Variants in B4GALNT3 observed in about 807,000 individuals in gnomAD.
B4GALNT3 encodes beta-1,4-N-acetylgalactosaminyltransferase 3.
A neutral mutation model predicts 120.2 loss-of-function variants in B4GALNT3; 86 were observed. That is an observed-to-expected ratio of 0.72 (90% CI 0.60 to 0.86). B4GALNT3 has a LOEUF of 0.86. Among genes scored for constraint, B4GALNT3 ranks in the 40% least tolerant of loss-of-function variants. The probability of loss-of-function intolerance (pLI) is 0.00; values close to 1 mark genes in which losing one functional copy is unlikely to be tolerated. For missense variants in B4GALNT3, 1,167 were observed against 1,298.9 expected (o/e 0.90, Z 1.56); for synonymous variants, 518 against 510.4 (o/e 1.01, Z -0.20).
intron 1 of B4GALNT3, among the ~76,000 whole-genome samples, chr12:499,313 G>A (rs1203368344): frequency 6.6e-6 from 1 of 152,280 alleles, no homozygotes; most frequent in Non-Finnish European, 1.5e-5. Flanking sequence ...TGTGAGGTAT[G>A]AGGACTGTGG....
In B4GALNT3 at chr12:553,265, C is replaced by T. The variant is rs756791907; in HGVS notation, c.1342C>T (p.Gln448Ter). 2 of 1,613,582 alleles carry T rather than the reference C, an allele frequency of 1.2e-6. No homozygotes were observed. Among genetic ancestry groups the T allele is most frequent in the East Asian group, 2.2e-5 (1 of 44,872 alleles). Residue 448 changes from glutamine to a stop codon, truncating the protein, a stop_gained, in exon 14 of 20, where the codon CAG becomes TAG. Transcript: ENST00000266383. LOFTEE classifies it high-confidence loss of function. ...VAEETPASNNQNARMLEGRQT... is the reference protein window; with the variant it reads ...VAEETPASNN ...AGAGGAGACCCCTGCCTCCAACAAC[C>T]AGAATGCCAGGATGCTTGAGGGAAG... is the stretch of plus-strand genomic sequence containing the variant.
intron 1 of B4GALNT3, among the ~76,000 whole-genome samples, chr12:485,926 C>T (rs560194311): frequency 6.6e-6 from 1 of 152,240 alleles, no homozygotes; most frequent in African/African-American, 2.4e-5. Flanking sequence ...TAGGCAGATG[C>T]AGAGAATCAC....
At chr12:497,713 C>G in intron 1 of B4GALNT3, among the ~76,000 whole-genome samples, 1 of 152,144 alleles carries the variant, frequency 6.6e-6, no homozygotes, top group Non-Finnish European at 1.5e-5. Context: ...GAGCACCGAG[C>G]CAGGTGGTCA....
chr12:492,412 A>G (rs1393222545), intron 1 of B4GALNT3, among the ~76,000 whole-genome samples: 1 of 152,234 alleles, frequency 6.6e-6, no homozygotes, highest in Non-Finnish European at 1.5e-5. Context: ...GTCTAACAAA[A>G]TATTTGCAAG....
chr12:544,967 C>T lies in B4GALNT3; in HGVS notation c.533C>T (p.Thr178Ile), dbSNP rs1306051806. The change falls in exon 5 of 20, where the codon ACT becomes ATT. Residue 178 changes from threonine to isoleucine, a missense_variant. Physicochemically the swap from Thr to Ile is moderately conservative, Grantham distance 89. Coordinates refer to ENST00000266383, the MANE Select transcript of B4GALNT3 (RefSeq NM_173593.4). ...LRIFGYLHPF[T>I]DGKIQFAIAA... ...ATCTTTGGCTACCTGCACCCCTTTA[C>T]TGATGGTGAGGCCAGCCCCAAAACC... The T allele has an allele frequency of 6.2e-7, 1 of 1,613,908 alleles. No homozygotes were observed. The highest frequency in any genetic ancestry group is 8.5e-7 in the Non-Finnish European group (1 of 1,179,902).
intron 1 of B4GALNT3, among the ~76,000 whole-genome samples, chr12:485,142 G>T (rs1418840764): frequency 2.6e-5 from 4 of 152,160 alleles, no homozygotes; most frequent in Non-Finnish European, 4.4e-5. Context: ...GAACTGGGGT[G>T]TATGATGCAG....
chr12:484,928 G>T (rs1349906995), intron 1 of B4GALNT3, among the ~76,000 whole-genome samples: 1 of 152,150 alleles, frequency 6.6e-6, no homozygotes, highest in East Asian at 1.9e-4. Context: ...CCATCCTGTG[G>T]TGTATGTGGG....
intron 1 of B4GALNT3, among the ~76,000 whole-genome samples, chr12:512,909 T>TTTCCACCTTCTGCCTTCCACC (rs1946608012): frequency 3.0e-5 from 2 of 66,994 alleles, no homozygotes; most frequent in African/African-American, 1.2e-4. Flanking sequence ...CGCCTTCCGC[T>TTTCCACCTTCTGCCTTCCACC]TTCCACCTTC....
chr12:544,817 A>C, intron 4 of B4GALNT3, 65 bp from the exon 5 acceptor site: 2 of 1,522,740 alleles, frequency 1.3e-6, no homozygotes, highest in African/African-American at 1.4e-5. Context: ...CTTCCCGCCA[A>C]TCCTGGCGGG....
chr12:559,857 G>A (rs1476079434), intron 19 of B4GALNT3, among the ~76,000 whole-genome samples: 1 of 152,210 alleles, frequency 6.6e-6, no homozygotes, highest in Non-Finnish European at 1.5e-5. Flanking sequence ...AAGACTTTGG[G>A]GCCAGCAGAA....
intron 1 of B4GALNT3, among the ~76,000 whole-genome samples, chr12:468,842 G>A (rs539760872): frequency 1.3e-5 from 2 of 152,176 alleles, no homozygotes; most frequent in African/African-American, 2.4e-5. Flanking sequence ...GAGGCTATGT[G>A]TGTGTCTCAC....
At position 460,103 on chromosome 12, in the gene B4GALNT3, G is replaced by T. The variant is rs1455979754; in HGVS notation, c.-274G>T. Among the ~76,000 whole-genome samples the T allele has an allele frequency of 1.3e-5, 2 of 151,150 alleles. No homozygotes were observed. The highest frequency in any genetic ancestry group is 3.0e-5 in the Non-Finnish European group (2 of 67,620). On this transcript the variant is annotated 5_prime_UTR_variant, in exon 1 of 20. Transcript: ENST00000266383. This position sits in a 1 kb window ranked among gnomAD's most constrained non-coding sequence, Gnocchi z 8.0. ...GCAGCGAGCCTGCGACGGGAGAGGC[G>T]TGGGGAGGAGAGCCCGGCGCGGAAC... is the stretch of plus-strand genomic sequence containing the variant.
intron 4 of B4GALNT3, 119 bp downstream of exon 4, chr12:544,553 C>T: frequency 1.0e-6 from 1 of 959,122 alleles, no homozygotes; most frequent in East Asian, 2.4e-5. Flanking sequence ...ATCTCTTGAG[C>T]TCTCTTTTTG....
At chr12:547,319 AAAC>A (rs529597063) in intron 7 of B4GALNT3, among the ~76,000 whole-genome samples, 3 of 152,136 alleles carry the variant, frequency 2.0e-5, no homozygotes, top group Non-Finnish European at 4.4e-5. Context: ...GTGTATTTTC[AAAC>A]AACTAGAGAA....
chr12:544,168 G>A (rs185901938), intron 3 of B4GALNT3, among the ~76,000 whole-genome samples, 171 bp from the exon 4 acceptor site: 7 of 104,554 alleles, frequency 6.7e-5, no homozygotes, highest in Admixed American at 1.8e-4. Context: ...TGGGGCGGGT[G>A]TGGGATGCTC....
intron 1 of B4GALNT3, among the ~76,000 whole-genome samples, chr12:485,445 A>G (rs1946282516): frequency 6.6e-6 from 1 of 152,228 alleles, no homozygotes; most frequent in African/African-American, 2.4e-5. Context: ...GACATTAGGA[A>G]CCAGCAAACT....
At chr12:549,616 G>C (rs1947052071) in intron 9 of B4GALNT3, among the ~76,000 whole-genome samples, 153 bp from the exon 10 acceptor site, 1 of 152,266 alleles carries the variant, frequency 6.6e-6, no homozygotes, top group African/African-American at 2.4e-5. Context: ...CACCGCTGTG[G>C]CGGGGGCCAG....
chr12:511,346 A>ACCTTCCACCTT lies in B4GALNT3; in HGVS notation c.170-23817_170-23807dup, dbSNP rs1592031313. 1.1e-4 allele frequency among the ~76,000 whole-genome samples: 5 copies of ACCTTCCACCTT among 46,646 alleles called. No individual in the cohort carries two copies. In the East Asian group the frequency reaches 1.9e-3, roughly 18 times the overall value. The allele number at this position is 46,646 out of a possible 152,430, so 30.6% of individuals were successfully genotyped here. A position where few individuals can be genotyped will look rare whatever the true frequency, so the allele number is the denominator to read the frequency against. On this transcript the variant is annotated intron_variant, in intron 1 of 19. Transcript: ENST00000266383. ...GCCTTCCACCTTCCACCTTCCTTCC[A>ACCTTCCACCTT]CCTTCCACCTTCCACCTTCAACCTT...
intron 1 of B4GALNT3, among the ~76,000 whole-genome samples, chr12:463,752 G>T (rs1435899642): frequency 6.6e-6 from 1 of 152,202 alleles, no homozygotes; most frequent in Non-Finnish European, 1.5e-5. Context: ...ATACAGAAAG[G>T]CTATTCGAGA....
Sources: allele counts gnomAD v4.1 joint callset (sites outside exome capture counted in the v4.1 genomes callset), GRCh38; gene constraint gnomAD v4.1.1; non-coding constraint Gnocchi (gnomAD v3.1); transcripts MANE v1.5; gene names NCBI Gene and HGNC (gene_info 2026-07-23, HGNC 2026-07-21).